Variants in PKNOX2 observed in about 807,000 individuals in gnomAD.
PKNOX2 encodes PBX/knotted 1 homeobox 2.
A neutral mutation model predicts 53.1 loss-of-function variants in PKNOX2; 14 were observed. The observed-to-expected ratio is 0.26, with a 90% confidence interval of 0.17 to 0.41. The LOEUF is 0.41. PKNOX2 is among the 10% of genes least tolerant of loss of function. The pLI, the probability that PKNOX2 is intolerant of heterozygous loss-of-function variation, is 1.00. For synonymous variants in PKNOX2, 257 were observed against 242.8 expected (o/e 1.06, Z -0.54); for missense variants, 496 against 602.8 (o/e 0.82, Z 1.85).
chr11:125,336,565 G>A (rs969271046), intron 3 of PKNOX2, among the ~76,000 whole-genome samples: 1 of 147,830 alleles, frequency 6.8e-6, no homozygotes, highest in Non-Finnish European at 1.5e-5. Context: ...TCTTAATAAT[G>A]TAACATAATA....
intron 1 of PKNOX2, among the ~76,000 whole-genome samples, chr11:125,198,430 G>A (rs1028085060): frequency 6.6e-6 from 1 of 152,182 alleles, no homozygotes; most frequent in African/African-American, 2.4e-5. Context: ...TAAGAAGGAC[G>A]GTGCATGGGG....
At chr11:125,260,278 A>G (rs966919598) in intron 2 of PKNOX2, among the ~76,000 whole-genome samples, 2 of 152,006 alleles carry the variant, frequency 1.3e-5, no homozygotes, top group African/African-American at 2.4e-5. Context: ...AGCTCACTGC[A>G]ATCTCCACCT....
intron 3 of PKNOX2, among the ~76,000 whole-genome samples, chr11:125,342,959 CTTG>C (rs1307776879): frequency 6.6e-6 from 1 of 152,142 alleles, no homozygotes; most frequent in Non-Finnish European, 1.5e-5. Context: ...CTCTCCCACT[CTTG>C]TTGTTTGGCT....
intron 2 of PKNOX2, among the ~76,000 whole-genome samples, chr11:125,248,041 C>G (rs1943693633): frequency 1.3e-5 from 2 of 152,164 alleles, no homozygotes; most frequent in Admixed American, 1.3e-4. Context: ...CTGTCCTTTT[C>G]CCCTGGGCCA....
chr11:125,383,017 G>A (rs1003602056), intron 5 of PKNOX2, among the ~76,000 whole-genome samples: 46 of 152,290 alleles, frequency 3.0e-4, no homozygotes, highest in African/African-American at 1.0e-3. Context: ...CAGGGTCGGG[G>A]AGAGAGTGTG....
At chr11:125,398,202 T>G in intron 7 of PKNOX2, 140 bp downstream of exon 7, 2 of 772,136 alleles carry the variant, frequency 2.6e-6, no homozygotes, top group South Asian at 2.0e-5. Flanking sequence ...CCTCCTCTGA[T>G]GCACTCTTCT....
chr11:125,303,806 G>A (rs1948241407), intron 2 of PKNOX2, among the ~76,000 whole-genome samples: 1 of 152,212 alleles, frequency 6.6e-6, no homozygotes, highest in Non-Finnish European at 1.5e-5. Context: ...TGAAGGATGT[G>A]TCGTCTAAGG....
At chr11:125,237,573 A>T (rs888795181) in intron 2 of PKNOX2, among the ~76,000 whole-genome samples, 2 of 152,164 alleles carry the variant, frequency 1.3e-5, no homozygotes, top group Admixed American at 1.3e-4. Context: ...TTTGGGGGTG[A>T]TTTGTTCTCC....
chr11:125,393,137 G>A (rs1954175609), intron 6 of PKNOX2, among the ~76,000 whole-genome samples: 1 of 149,172 alleles, frequency 6.7e-6, no homozygotes, highest in South Asian at 2.1e-4. Flanking sequence ...TCCAGCCTGG[G>A]CGACAGAGCA....
chr11:125,316,080 A>C (rs1949166504), intron 2 of PKNOX2, among the ~76,000 whole-genome samples: 1 of 152,196 alleles, frequency 6.6e-6, no homozygotes, highest in Admixed American at 6.5e-5. Context: ...GGACCCAGGG[A>C]GTGCAAAAGG....
chr11:125,217,837 C>T (rs1359653109), intron 1 of PKNOX2, among the ~76,000 whole-genome samples: 1 of 152,144 alleles, frequency 6.6e-6, no homozygotes, highest in Non-Finnish European at 1.5e-5. Context: ...GCCTCCTGAT[C>T]CCTCCATCAC....
intron 2 of PKNOX2, among the ~76,000 whole-genome samples, chr11:125,256,991 G>A (rs1233725699): frequency 1.3e-5 from 2 of 150,868 alleles, no homozygotes; most frequent in East Asian, 2.0e-4. Flanking sequence ...ATTCCATAGG[G>A]GCTAATCTGT....
intron 3 of PKNOX2, among the ~76,000 whole-genome samples, chr11:125,338,615 C>A (rs1265853998): frequency 6.6e-6 from 1 of 152,214 alleles, no homozygotes; most frequent in Non-Finnish European, 1.5e-5. Context: ...GAAGTAGAGA[C>A]ACTTTGTTCC....
At chr11:125,275,860 G>A (rs189892346) in intron 2 of PKNOX2, among the ~76,000 whole-genome samples, 3 of 152,278 alleles carry the variant, frequency 2.0e-5, no homozygotes, top group Admixed American at 2.0e-4. Flanking sequence ...TCTGAAAAGA[G>A]GTTCAGTTGG....
At chr11:125,363,141 G>A (rs1003528740) in intron 4 of PKNOX2, among the ~76,000 whole-genome samples, 7 of 152,188 alleles carry the variant, frequency 4.6e-5, no homozygotes, top group African/African-American at 1.7e-4. Context: ...CCTAGGCCAA[G>A]AGAGGACATG....
chr11:125,424,558 G>C (rs1235601325), intron 10 of PKNOX2, among the ~76,000 whole-genome samples: 1 of 152,142 alleles, frequency 6.6e-6, no homozygotes, highest in African/African-American at 2.4e-5. Context: ...GAGAGGAGGG[G>C]AAAAGCGTGT....
intron 1 of PKNOX2, among the ~76,000 whole-genome samples, chr11:125,209,584 C>A (rs889178578): frequency 3.3e-5 from 5 of 151,848 alleles, no homozygotes; most frequent in Non-Finnish European, 5.9e-5. Context: ...ACTCAGAAGG[C>A]ACAGAACCAA....
At chr11:125,275,226 G>T (rs1478430510) in intron 2 of PKNOX2, among the ~76,000 whole-genome samples, 3 of 152,114 alleles carry the variant, frequency 2.0e-5, no homozygotes, top group Admixed American at 6.6e-5. Flanking sequence ...TCTAAGGATG[G>T]GATATTTGTA....
At chr11:125,259,314 G>A (rs1040927536) in intron 2 of PKNOX2, among the ~76,000 whole-genome samples, 1 of 152,166 alleles carries the variant, frequency 6.6e-6, no homozygotes, top group Admixed American at 6.5e-5. Flanking sequence ...CACCCACTAT[G>A]TTCTAGACAC....
Sources: gnomAD v4.1 joint callset for allele counts (sites outside exome capture counted in the v4.1 genomes callset) on GRCh38, gnomAD v4.1.1 for gene constraint, MANE v1.5 for transcripts, NCBI Gene and HGNC (gene_info 2026-07-23, HGNC 2026-07-21) for gene names.